ANKRD30B: variants seen among roughly 807,000 people sequenced by gnomAD.
ANKRD30B encodes the protein ankyrin repeat domain 30B, also known as ankyrin repeat domain-containing protein 30B.
Under a neutral mutation model 202.2 loss-of-function variants are expected in ANKRD30B, and 144 were observed. The observed-to-expected ratio is 0.71, with a 90% confidence interval of 0.62 to 0.82. The LOEUF is 0.82. ANKRD30B is among the 40% of genes least tolerant of loss of function. The pLI is 0.00. For missense variants in ANKRD30B, 1,487 were observed against 1,669.1 expected, an observed-to-expected ratio of 0.89 and a Z score of 1.90; for synonymous variants, 508 against 561.3, an observed-to-expected ratio of 0.91 and a Z score of 1.34.
chr18:14,855,107 T>C (rs1444852921), downstream of ANKRD30B, among the ~76,000 whole-genome samples: 3 of 152,074 alleles, frequency 2.0e-5, no homozygotes, highest in Non-Finnish European at 4.4e-5. Flanking sequence ...TGGTGATGAC[T>C]CTTAATGAGC....
At position 14,757,940 on chromosome 18, in the gene ANKRD30B, G is replaced by C; in HGVS notation, c.743G>C (p.Cys248Ser). 1 of 1,595,878 alleles carries C rather than the reference G, an allele frequency of 6.3e-7. No homozygotes were observed. Among genetic ancestry groups the C allele is most frequent in the Non-Finnish European group, 8.5e-7 (1 of 1,170,286 alleles). Residue 248 changes from cysteine (C) to serine (S), a missense_variant, in exon 5 of 44, where the codon TGT becomes TCT. Coordinates refer to ENST00000690538, the MANE Select transcript of ANKRD30B (RefSeq NM_001367607.2). ...GITAERYAAA[C>S]GVNYIHQQLL... ...ACTGCAGAACGTTATGCTGCTGCTTGTGGAGTTAATTAGTAAGTGTTTACA... is the reference window on the plus strand; with the variant it reads ...ACTGCAGAACGTTATGCTGCTGCTTCTGGAGTTAATTAGTAAGTGTTTACA...
chr18:14,856,525 C>A (rs36068883), downstream of ANKRD30B, among the ~76,000 whole-genome samples: 2 of 139,158 alleles, frequency 1.4e-5, no homozygotes, highest in East Asian at 2.1e-4. Flanking sequence ...CTCCTCACCT[C>A]CCAGATGATG....
intron 33 of ANKRD30B, among the ~76,000 whole-genome samples, chr18:14,830,398 T>A (rs1410189217): frequency 6.6e-6 from 1 of 152,082 alleles, no homozygotes; most frequent in Middle Eastern, 3.2e-3. Flanking sequence ...TAGACTTTCT[T>A]ACTTTTAATG....
intron 14 of ANKRD30B, among the ~76,000 whole-genome samples, chr18:14,786,123 A>C (rs1373919756): frequency 6.6e-6 from 1 of 151,310 alleles, no homozygotes; most frequent in Non-Finnish European, 1.5e-5. Flanking sequence ...TAATGATGAA[A>C]CGGTCTTTTA....
intron 26 of ANKRD30B, among the ~76,000 whole-genome samples, chr18:14,809,454 A>G (rs1201296042): frequency 6.6e-6 from 1 of 150,872 alleles, no homozygotes; most frequent in African/African-American, 2.5e-5. Flanking sequence ...AGAAGGGAGT[A>G]TGCCTTAACC....
At chr18:14,910,732 A>G in the ANKRD30B span, among the ~76,000 whole-genome samples, 2,056 of 152,248 alleles carry the variant, frequency 0.014, 45 homozygotes, top group African/African-American at 0.046. Flanking sequence ...GTACTAATTT[A>G]CATTCCCACC....
chr18:14,786,968 C>A (rs1174208963), intron 14 of ANKRD30B, 71 bp from the exon 15 acceptor site: 1 of 1,448,506 alleles, frequency 6.9e-7, no homozygotes, highest in Admixed American at 2.0e-5. Context: ...TGAAAGTAGA[C>A]TTGTGTATGT....
the ANKRD30B span, among the ~76,000 whole-genome samples, chr18:14,924,732 G>T: frequency 3.5e-3 from 537 of 152,326 alleles, 3 homozygotes; most frequent in Non-Finnish European, 3.5e-3. Flanking sequence ...CAGTGTCGGG[G>T]CTGTCTCTGC....
the ANKRD30B span, among the ~76,000 whole-genome samples, chr18:14,876,691 G>A: frequency 2.6e-5 from 4 of 152,186 alleles, no homozygotes; most frequent in African/African-American, 9.7e-5. Flanking sequence ...CTTTTTAAAA[G>A]ACTTAAGATG....
rs1352743016 is a variant in ANKRD30B, at chr18:14,754,013, T to G, written c.511-886T>G. Among the ~76,000 whole-genome samples, 3 of 152,152 alleles carry G rather than the reference T, an allele frequency of 2.0e-5. No individual in the cohort carries two copies. In the East Asian group the frequency reaches 5.8e-4, roughly 29 times the overall value. On this transcript the variant is annotated intron_variant, in intron 3 of 43. Transcript: ENST00000690538. ...GTAGATATGCATTAGGATCCTAGGA[T>G]TATCATTATAATTGAGAATAAACTT...
chr18:14,777,288 A>G (rs1475838896), intron 9 of ANKRD30B, among the ~76,000 whole-genome samples: 2 of 142,714 alleles, frequency 1.4e-5, no homozygotes, highest in African/African-American at 5.0e-5. Flanking sequence ...AAGTTAAAAA[A>G]AAGTTTTAAT....
chr18:14,809,087 C>T lies in ANKRD30B; in HGVS notation c.2386+343C>T, dbSNP rs1363999347. ...CAGGGGAATCACAGCCTTGTGTTCC[C>T]GTGGTGCCAACAATTCACTAGATAT... On this transcript the variant is annotated intron_variant, in intron 26 of 43. Coordinates refer to ENST00000690538, the MANE Select transcript of ANKRD30B (RefSeq NM_001367607.2). Among the ~76,000 whole-genome samples the T allele has an allele frequency of 9.0e-5, 12 of 132,756 alleles. 1 individual carries two copies. The highest frequency in any genetic ancestry group is 5.2e-4 in the South Asian group (2 of 3,876). 87.1% of individuals were successfully genotyped at this position (132,756 alleles called of 152,430 possible).
At chr18:14,901,333 T>C in the ANKRD30B span, among the ~76,000 whole-genome samples, 4 of 152,212 alleles carry the variant, frequency 2.6e-5, no homozygotes, top group Admixed American at 2.0e-4. Flanking sequence ...GAATGTAGGT[T>C]TTTGATAATT....
chr18:14,847,072 AT>A (rs1971676151), intron 39 of ANKRD30B, among the ~76,000 whole-genome samples: 1 of 34,130 alleles, frequency 2.9e-5, no homozygotes, highest in Non-Finnish European at 7.0e-5. Flanking sequence ...ATATATATAT[AT>A]ATATATATAT....
At chr18:14,793,661 G>A (rs531214675) in intron 16 of ANKRD30B, among the ~76,000 whole-genome samples, 2 of 152,236 alleles carry the variant, frequency 1.3e-5, no homozygotes, top group Admixed American at 6.5e-5. Context: ...TTGGGAGGCC[G>A]AGGCGGGCGG....
At chr18:14,912,523 G>A in the ANKRD30B span, among the ~76,000 whole-genome samples, 1 of 152,176 alleles carries the variant, frequency 6.6e-6, no homozygotes, top group African/African-American at 2.4e-5. Context: ...ATATGCTAGT[G>A]TTTTTGTTGA....
chr18:14,774,894 A>G (rs893656421), intron 9 of ANKRD30B, among the ~76,000 whole-genome samples: 14 of 151,690 alleles, frequency 9.2e-5, no homozygotes, highest in Non-Finnish European at 1.8e-4. Context: ...TTGGGAGTCC[A>G]AGGCCGGCAG....
chr18:14,908,091 C>A, the ANKRD30B span, among the ~76,000 whole-genome samples: 2 of 151,986 alleles, frequency 1.3e-5, no homozygotes, highest in Non-Finnish European at 2.9e-5. Context: ...GCAGCATGAC[C>A]GAAAACAGGT....
At chr18:14,909,412 T>A in the ANKRD30B span, among the ~76,000 whole-genome samples, 1 of 152,094 alleles carries the variant, frequency 6.6e-6, no homozygotes, top group Non-Finnish European at 1.5e-5. Flanking sequence ...GAAGGCGCTA[T>A]TTGTTGTTGT....
Sources: allele counts gnomAD v4.1 joint callset (sites outside exome capture counted in the v4.1 genomes callset), GRCh38; gene constraint gnomAD v4.1.1; transcripts MANE v1.5; gene names NCBI Gene and HGNC (gene_info 2026-07-23, HGNC 2026-07-21).